Variants in MLLT10 observed in about 807,000 individuals in gnomAD.
MLLT10 encodes the protein protein AF-10.
In MLLT10, 30 loss-of-function variants were observed where a neutral mutation model predicts 129.1. The observed-to-expected ratio is 0.23, with a 90% CI of 0.17 to 0.32. The LOEUF is 0.32. MLLT10 is among the 10% of genes least tolerant of loss of function. The pLI, the probability that MLLT10 is intolerant of heterozygous loss-of-function variation, is 1.00. For synonymous variants in MLLT10, 490 were observed against 446.4 expected (o/e 1.10, Z -1.23); for missense variants, 1,119 against 1,268.3 (o/e 0.88, Z 1.79).
chr10:21,639,158 AAAAC>A (rs980474782), intron 8 of MLLT10, among the ~76,000 whole-genome samples: 7 of 152,222 alleles, frequency 4.6e-5, no homozygotes, highest in African/African-American at 1.4e-4. Flanking sequence ...TGGAATAGAA[AAAAC>A]AAACAGTTTC....
intron 8 of MLLT10, among the ~76,000 whole-genome samples, chr10:21,636,361 T>C (rs536021722): frequency 6.6e-6 from 1 of 152,280 alleles, no homozygotes; most frequent in East Asian, 1.9e-4. Context: ...GGGCTCAAGC[T>C]ATCCTTCTCC....
At chr10:21,689,618 TAC>T (rs58778532) in intron 13 of MLLT10, among the ~76,000 whole-genome samples, 1,716 of 111,962 alleles carry the variant, frequency 0.015, 13 homozygotes, top group African/African-American at 0.023. Flanking sequence ...TATATATATA[TAC>T]ACACACACAC....
At chr10:21,660,508 C>T (rs370370319) in intron 9 of MLLT10, among the ~76,000 whole-genome samples, 68 of 148,962 alleles carry the variant, frequency 4.6e-4, no homozygotes, top group African/African-American at 1.5e-3. Context: ...CCCAGCTACT[C>T]GGGAGGCTGA....
intron 3 of MLLT10, among the ~76,000 whole-genome samples, chr10:21,561,552 C>A (rs2038807344): frequency 6.6e-6 from 1 of 152,196 alleles, no homozygotes; most frequent in South Asian, 2.1e-4. Context: ...AGCCACTGCA[C>A]CCGGCCCAGT....
chr10:21,555,620 T>C (rs569926569), intron 3 of MLLT10, among the ~76,000 whole-genome samples: 5 of 152,144 alleles, frequency 3.3e-5, no homozygotes. Context: ...TCTTTCGTGT[T>C]AGTGACTTTA....
At chr10:21,577,361 T>C (rs2040877285) in intron 3 of MLLT10, among the ~76,000 whole-genome samples, 1 of 152,228 alleles carries the variant, frequency 6.6e-6, no homozygotes, top group Non-Finnish European at 1.5e-5. Context: ...TTTTGAATTC[T>C]CTTGGGCGTA....
Position 21,734,136 on chromosome 10 carries a change from A to AACTT in MLLT10, c.2858+9_2858+12dup. ...CAGCTACACTGACTAACAGGTAAGA[A>AACTT]ACTTAAGTATGTTTTGGGTTTTTTA... is the stretch of plus-strand genomic sequence containing the variant. On this transcript the variant is annotated splice_region_variant and intron_variant, in intron 20 of 22. Transcript: ENST00000307729. 1 of 1,585,918 alleles carries AACTT rather than the reference A, an allele frequency of 6.3e-7. No individual in the cohort carries two copies. The highest frequency in any genetic ancestry group is 8.6e-7 in the Non-Finnish European group (1 of 1,164,646).
intron 21 of MLLT10, among the ~76,000 whole-genome samples, chr10:21,737,184 T>C (rs966088213): frequency 6.6e-6 from 1 of 152,244 alleles, no homozygotes; most frequent in Non-Finnish European, 1.5e-5. Context: ...CACCTGCACC[T>C]GACAGGGACT....
At chr10:21,691,103 G>A (rs758192241) in intron 13 of MLLT10, among the ~76,000 whole-genome samples, 1 of 152,188 alleles carries the variant, frequency 6.6e-6, no homozygotes, top group Non-Finnish European at 1.5e-5. Context: ...TTAGTGAATC[G>A]GACATCAGAA....
intron 8 of MLLT10, among the ~76,000 whole-genome samples, chr10:21,618,308 C>T (rs896077671): frequency 6.6e-6 from 1 of 151,288 alleles, no homozygotes; most frequent in Non-Finnish European, 1.5e-5. Context: ...CCAGCCTGGC[C>T]AACATGGTGA....
intron 8 of MLLT10, among the ~76,000 whole-genome samples, chr10:21,646,871 T>A (rs1010815780): frequency 6.6e-6 from 1 of 151,332 alleles, no homozygotes. Context: ...TTTTTTTTTT[T>A]CTGAGACGGA....
chr10:21,739,050 G>A (rs573419556), intron 21 of MLLT10, among the ~76,000 whole-genome samples: 1 of 151,918 alleles, frequency 6.6e-6, no homozygotes, highest in Non-Finnish European at 1.5e-5. Context: ...GCACAACCCC[G>A]CCCCACCCAT....
At chr10:21,720,598 C>A (rs1047740424) in intron 14 of MLLT10, among the ~76,000 whole-genome samples, 1 of 152,142 alleles carries the variant, frequency 6.6e-6, no homozygotes, top group Non-Finnish European at 1.5e-5. Flanking sequence ...ACATTCAAGT[C>A]CTTACATTCT....
intron 9 of MLLT10, among the ~76,000 whole-genome samples, chr10:21,659,581 G>A (rs1467308359): frequency 6.6e-6 from 1 of 150,800 alleles, no homozygotes; most frequent in Non-Finnish European, 1.5e-5. Flanking sequence ...TGTGATCTCG[G>A]CTCACTGCAG....
At chr10:21,598,157 G>A (rs2043189713) in intron 5 of MLLT10, among the ~76,000 whole-genome samples, 1 of 152,108 alleles carries the variant, frequency 6.6e-6, no homozygotes, top group African/African-American at 2.4e-5. Flanking sequence ...CCACTGTAAG[G>A]TGAAGCTTTC....
At chr10:21,562,486 C>T (rs993790296) in intron 3 of MLLT10, among the ~76,000 whole-genome samples, 15 of 151,196 alleles carry the variant, frequency 9.9e-5, no homozygotes, top group Non-Finnish European at 1.9e-4. Context: ...TACAGGTGCC[C>T]GCCATCACGC....
chr10:21,585,988 C>T (rs571706121), intron 3 of MLLT10, among the ~76,000 whole-genome samples: 5 of 152,214 alleles, frequency 3.3e-5, no homozygotes, highest in East Asian at 1.9e-4. Context: ...CTCGAACTCC[C>T]GACCTCAGCT....
At chr10:21,627,685 G>A (rs2046590063) in intron 8 of MLLT10, among the ~76,000 whole-genome samples, 1 of 152,018 alleles carries the variant, frequency 6.6e-6, no homozygotes, top group Non-Finnish European at 1.5e-5. Flanking sequence ...TTCTAACAGT[G>A]GCCTAGATTT....
chr10:21,536,753 G>A (rs1007502513), intron 2 of MLLT10, among the ~76,000 whole-genome samples: 1 of 151,968 alleles, frequency 6.6e-6, no homozygotes, highest in Non-Finnish European at 1.5e-5. Context: ...TTTTGGTAGA[G>A]GTGGGATTTC....
Sources: gnomAD v4.1 joint callset for allele counts (sites outside exome capture counted in the v4.1 genomes callset) on GRCh38, gnomAD v4.1.1 for gene constraint, MANE v1.5 for transcripts, NCBI Gene and HGNC (gene_info 2026-07-23, HGNC 2026-07-21) for gene names.